Variants in NREP observed in about 807,000 individuals in gnomAD.
NREP encodes neuronal regeneration-related protein.
NREP carries 5 observed loss-of-function variants against 8.6 expected under a neutral mutation model. The ratio of observed to expected loss-of-function variants is 0.58; its 90% CI spans 0.30 to 1.22. NREP has a LOEUF of 1.22. Among genes scored for constraint, NREP ranks in the 50% most tolerant of loss-of-function variants. The pLI is 0.07. For synonymous variants in NREP, 27 were observed against 28.0 expected, an observed-to-expected ratio of 0.96 and a Z score of 0.11; for missense variants, 86 against 82.5, an observed-to-expected ratio of 1.04 and a Z score of -0.17.
chr5:111,857,919 G>T (rs759265743), intron 2 of NREP, among the ~76,000 whole-genome samples: 30 of 151,688 alleles, frequency 2.0e-4, no homozygotes, highest in Non-Finnish European at 3.4e-4. Flanking sequence ...TCCCAAGTGG[G>T]AGTCTCTTTC....
At chr5:111,822,294 T>G (rs71579163) in intron 2 of NREP, among the ~76,000 whole-genome samples, 26,414 of 152,064 alleles carry the variant, frequency 0.17, 2,777 homozygotes, top group Non-Finnish European at 0.23. Flanking sequence ...TTCCCTGGAG[T>G]TATTTGTAAA....
chr5:111,756,296 T>TAAAAAAAAA, intron 1 of NREP: 2 of 237,982 alleles, frequency 8.4e-6, no homozygotes, highest in Non-Finnish European at 1.0e-5. Flanking sequence ...CTTCCGTGTT[T>TAAAAAAAAA]AAAAAAAAAA....
At chr5:111,976,891 T>G in exon 1 of NREP, 1 of 601,084 alleles carries the variant, frequency 1.7e-6, no homozygotes, top group Non-Finnish European at 3.0e-6. Context: ...TTGCACTGCC[T>G]GGAAAAGTAA....
upstream of NREP, chr5:111,758,034 G>C (rs1175684175): frequency 6.1e-6 from 6 of 985,504 alleles, no homozygotes; most frequent in African/African-American, 3.5e-5. Flanking sequence ...AGCAGAAAAT[G>C]GTGCCTGCGG....
At chr5:111,913,687 C>G (rs1284085800) in intron 2 of NREP, among the ~76,000 whole-genome samples, 1 of 152,090 alleles carries the variant, frequency 6.6e-6, no homozygotes, top group African/African-American at 2.4e-5. Flanking sequence ...TGCTTTCCTA[C>G]TTCACAAATA....
intron 2 of NREP, among the ~76,000 whole-genome samples, chr5:111,889,738 A>G (rs1754348992): frequency 6.6e-6 from 1 of 152,192 alleles, no homozygotes; most frequent in Non-Finnish European, 1.5e-5. Flanking sequence ...TGTGTGAGCA[A>G]CACAGCTGTT....
chr5:111,788,021 A>T (rs1751651380), intron 2 of NREP, among the ~76,000 whole-genome samples: 1 of 152,104 alleles, frequency 6.6e-6, no homozygotes, highest in Non-Finnish European at 1.5e-5. Flanking sequence ...TGAGCCCAGG[A>T]GGGGGAGTCT....
At position 111,883,809 on chromosome 5, in the gene NREP, G is replaced by C. The variant is rs1476442029; in HGVS notation, c.135+91465C>G. On this transcript the variant is annotated intron_variant, in intron 2 of 3. Transcript: ENST00000395634. ...AGACACAACATACCAGAATCTCTGG[G>C]ACACATTCAAAGCAGTGTGTAGAGG... 1.4e-4 allele frequency among the ~76,000 whole-genome samples: 21 copies of C among 152,166 alleles called. No homozygotes were observed. The East Asian group carries it at 1.5e-3, about 11-fold the overall frequency.
chr5:111,755,806 C>G lies in NREP; in HGVS notation c.-34G>C, dbSNP rs145353056. On this transcript the variant is annotated 5_prime_UTR_variant, in exon 2 of 4. Transcript: ENST00000257435. ...TCTTAGTCTTGGGCTTCTATTCTCC[C>G]TCTCTTCAGTCCAGGGAGACCAACC... The G allele has an allele frequency of 6.2e-7, 1 of 1,613,870 alleles. No individual in the cohort carries two copies. The highest frequency in any genetic ancestry group is 1.1e-5 in the South Asian group (1 of 91,072).
chr5:111,743,325 A>T (rs558859442), intron 2 of NREP, among the ~76,000 whole-genome samples: 1 of 152,170 alleles, frequency 6.6e-6, no homozygotes. Flanking sequence ...GCATTTAAGC[A>T]CTGCATAAGC....
At chr5:111,739,992 T>C (rs1012165683) in intron 2 of NREP, among the ~76,000 whole-genome samples, 3 of 151,610 alleles carry the variant, frequency 2.0e-5, no homozygotes, top group African/African-American at 7.3e-5. Context: ...CCTTCAACAA[T>C]TGAGAAAACA....
chr5:111,850,674 A>G (rs573436718), intron 2 of NREP, among the ~76,000 whole-genome samples: 1 of 152,222 alleles, frequency 6.6e-6, no homozygotes, highest in East Asian at 1.9e-4. Context: ...CCAGTTTTCA[A>G]TTGAGCCTGC....
chr5:111,970,461 G>C (rs1756779872), intron 2 of NREP, among the ~76,000 whole-genome samples: 1 of 152,098 alleles, frequency 6.6e-6, no homozygotes, highest in Non-Finnish European at 1.5e-5. Flanking sequence ...GGACTTCCAG[G>C]CCTCTAGCGT....
intron 2 of NREP, among the ~76,000 whole-genome samples, chr5:111,911,362 C>A (rs1754907757): frequency 1.3e-5 from 2 of 152,076 alleles, no homozygotes; most frequent in Non-Finnish European, 2.9e-5. Flanking sequence ...TTTACTTACA[C>A]ACTTTGCAGA....
intron 2 of NREP, among the ~76,000 whole-genome samples, chr5:111,805,961 T>C (rs181881328): frequency 5.9e-5 from 9 of 151,414 alleles, no homozygotes; most frequent in Non-Finnish European, 7.3e-5. Flanking sequence ...GTAATGGGTA[T>C]GTTAATTAGA....
intron 2 of NREP, among the ~76,000 whole-genome samples, chr5:111,776,511 C>T (rs974042635): frequency 6.6e-6 from 1 of 152,120 alleles, no homozygotes. Context: ...AAGACATGCG[C>T]AAGTCTGTTC....
At chr5:111,802,382 A>C (rs558386871) in intron 2 of NREP, among the ~76,000 whole-genome samples, 1 of 152,290 alleles carries the variant, frequency 6.6e-6, no homozygotes, top group Non-Finnish European at 1.5e-5. Flanking sequence ...AAATTGTTAA[A>C]GACTTTTAGG....
At chr5:111,847,754 A>G (rs549414996) in intron 2 of NREP, among the ~76,000 whole-genome samples, 1 of 152,202 alleles carries the variant, frequency 6.6e-6, no homozygotes, top group African/African-American at 2.4e-5. Context: ...GCTGTTTACT[A>G]GCAAATTACA....
intron 2 of NREP, among the ~76,000 whole-genome samples, chr5:111,894,751 C>T (rs980161257): frequency 1.5e-4 from 23 of 152,258 alleles, no homozygotes; most frequent in African/African-American, 5.5e-4. Context: ...GCACAACAGC[C>T]GACAGCCCTA....
Sources: gnomAD v4.1 joint callset for allele counts (sites outside exome capture counted in the v4.1 genomes callset) on GRCh38, gnomAD v4.1.1 for gene constraint, MANE v1.5 for transcripts, NCBI Gene and HGNC (gene_info 2026-07-23, HGNC 2026-07-21) for gene names.